TNS3: variants seen among roughly 807,000 people sequenced by gnomAD.
The protein encoded by TNS3 is tensin-3.
TNS3 carries 45 observed loss-of-function variants against 140.9 expected under a neutral mutation model. The ratio of observed to expected loss-of-function variants is 0.32; its 90% confidence interval spans 0.25 to 0.41. The LOEUF (loss-of-function observed/expected upper bound fraction) is 0.41. Among genes scored for constraint, TNS3 ranks in the 10% least tolerant of loss-of-function variants. The pLI, the probability that TNS3 is intolerant of heterozygous loss-of-function variation, is 1.00. For missense variants in TNS3, 1,716 were observed against 1,906.7 expected, an observed-to-expected ratio of 0.90 and a Z score of 1.86; for synonymous variants, 815 against 788.4, an observed-to-expected ratio of 1.03 and a Z score of -0.56.
At chr7:47,351,353 C>T (rs546880293) in intron 17 of TNS3, among the ~76,000 whole-genome samples, 1 of 152,286 alleles carries the variant, frequency 6.6e-6, no homozygotes, top group South Asian at 2.1e-4. Flanking sequence ...GTGACATTCT[C>T]ATTTATAGCG....
chr7:47,499,722 G>A (rs537607708), intron 3 of TNS3, among the ~76,000 whole-genome samples: 3 of 152,250 alleles, frequency 2.0e-5, no homozygotes, highest in African/African-American at 4.8e-5. Flanking sequence ...AGAGAGAAGC[G>A]CGGCACAGAG....
chr7:47,524,126 T>A (rs909367278), intron 2 of TNS3, among the ~76,000 whole-genome samples: 1 of 152,156 alleles, frequency 6.6e-6, no homozygotes, highest in South Asian at 2.1e-4. Flanking sequence ...CAGGGTGCAG[T>A]GCAGCACTGC....
intron 5 of TNS3, among the ~76,000 whole-genome samples, chr7:47,440,859 TTC>T (rs1435515003): frequency 6.6e-6 from 1 of 152,152 alleles, no homozygotes; most frequent in African/African-American, 2.4e-5. Context: ...TCCTATGTGT[TTC>T]TCTCTTTCTT....
chr7:47,371,126 G>A (rs1009883242), intron 16 of TNS3, among the ~76,000 whole-genome samples: 4 of 152,156 alleles, frequency 2.6e-5, no homozygotes, highest in South Asian at 2.1e-4. Context: ...CCATCCTAAA[G>A]TCAAGCCTAG....
chr7:47,503,245 C>T (rs370750693), intron 3 of TNS3, among the ~76,000 whole-genome samples: 2 of 152,184 alleles, frequency 1.3e-5, no homozygotes, highest in East Asian at 1.9e-4. Context: ...TGGGCAGAGG[C>T]GGAAGAGGCA....
intron 17 of TNS3, among the ~76,000 whole-genome samples, chr7:47,364,578 G>T (rs2151118152): frequency 6.6e-6 from 1 of 152,316 alleles, no homozygotes; most frequent in South Asian, 2.1e-4. Flanking sequence ...AGGTCAGAAA[G>T]TCTTGGACTG....
chr7:47,339,989 A>G (rs1788865698), intron 20 of TNS3, among the ~76,000 whole-genome samples: 3 of 145,312 alleles, frequency 2.1e-5, no homozygotes, highest in African/African-American at 7.5e-5. Context: ...ATGTATACAT[A>G]TGCGATCATA....
intron 10 of TNS3, among the ~76,000 whole-genome samples, chr7:47,420,851 C>T (rs1220051705): frequency 1.3e-5 from 2 of 152,180 alleles, no homozygotes; most frequent in African/African-American, 4.8e-5. Context: ...CCTGCAGACC[C>T]TTATGGATTC....
At chr7:47,383,741 T>C (rs1791910979) in intron 16 of TNS3, among the ~76,000 whole-genome samples, 1 of 152,072 alleles carries the variant, frequency 6.6e-6, no homozygotes, top group Non-Finnish European at 1.5e-5. Flanking sequence ...CAAGGGAGCC[T>C]GGGGCACACA....
intron 20 of TNS3, among the ~76,000 whole-genome samples, chr7:47,325,589 CT>C (rs1787983842): frequency 2.0e-5 from 3 of 152,188 alleles, no homozygotes; most frequent in Non-Finnish European, 2.9e-5. Context: ...GCAGAGTGTG[CT>C]GTGTGACGGG....
intron 3 of TNS3, among the ~76,000 whole-genome samples, chr7:47,506,201 G>T (rs1013635819): frequency 2.0e-5 from 3 of 152,150 alleles, no homozygotes; most frequent in African/African-American, 7.2e-5. Flanking sequence ...TCATACTTGG[G>T]GATTCCGTAA....
intron 9 of TNS3, 45 bp from the exon 10 acceptor site, chr7:47,424,229 A>G: frequency 6.2e-7 from 1 of 1,600,410 alleles, no homozygotes; most frequent in Non-Finnish European, 8.6e-7. Flanking sequence ...AGTGGAGCCC[A>G]CACCACGTGG....
intron 5 of TNS3, among the ~76,000 whole-genome samples, chr7:47,441,158 C>T (rs991027684): frequency 6.6e-6 from 1 of 152,098 alleles, no homozygotes; most frequent in Non-Finnish European, 1.5e-5. Flanking sequence ...ACATCCAATA[C>T]CATACATTTA....
chr7:47,327,014 G>A (rs986324275), intron 20 of TNS3, among the ~76,000 whole-genome samples: 45 of 152,082 alleles, frequency 3.0e-4, no homozygotes, highest in Admixed American at 2.4e-3. Flanking sequence ...ACGCTGTGTC[G>A]GCTGCAGGGC....
chr7:47,397,311 C>T (rs1286662323), intron 15 of TNS3, among the ~76,000 whole-genome samples: 2 of 152,108 alleles, frequency 1.3e-5, no homozygotes, highest in African/African-American at 4.8e-5. Flanking sequence ...TTAGGAATAC[C>T]AAGGGGATTT....
chr7:47,364,939 G>A (rs1236349969), intron 17 of TNS3, among the ~76,000 whole-genome samples: 4 of 152,100 alleles, frequency 2.6e-5, no homozygotes, highest in African/African-American at 9.7e-5. Flanking sequence ...CATCTTTTTA[G>A]TTCTGAAGCT....
intron 4 of TNS3, among the ~76,000 whole-genome samples, chr7:47,478,716 T>C (rs1473574632): frequency 6.6e-6 from 1 of 152,016 alleles, no homozygotes; most frequent in African/African-American, 2.4e-5. Flanking sequence ...TTCACATACA[T>C]AACTCTCATA....
chr7:47,344,102 C>A (rs986321739), intron 20 of TNS3, among the ~76,000 whole-genome samples: 1 of 152,114 alleles, frequency 6.6e-6, no homozygotes, highest in Non-Finnish European at 1.5e-5. Context: ...GAAATGTGCA[C>A]GAGCTTTAGG....
intron 17 of TNS3, among the ~76,000 whole-genome samples, chr7:47,367,944 AG>A (rs1205458744): frequency 2.6e-5 from 4 of 152,260 alleles, no homozygotes; most frequent in Non-Finnish European, 4.4e-5. Context: ...GCCCCACTGA[AG>A]TACCTGGCAT....
Sources: allele counts gnomAD v4.1 joint callset (sites outside exome capture counted in the v4.1 genomes callset), GRCh38; gene constraint gnomAD v4.1.1; transcripts MANE v1.5; gene names NCBI Gene and HGNC (gene_info 2026-07-23, HGNC 2026-07-21).